GRIA3: variants seen among roughly 807,000 people sequenced by gnomAD.
GRIA3 encodes glutamate receptor 3.
Under a neutral mutation model 63.0 loss-of-function variants are expected in GRIA3, and 3 were observed. The ratio of observed to expected loss-of-function variants is 0.05; its 90% CI spans 0.02 to 0.12. The LOEUF is 0.12. Among genes scored for constraint, GRIA3 ranks in the 10% least tolerant of loss-of-function variants. The pLI, the probability that GRIA3 is intolerant of heterozygous loss-of-function variation, is 1.00. For missense variants in GRIA3, 347 were observed against 700.9 expected, an observed-to-expected ratio of 0.50 and a Z score of 5.70; for synonymous variants, 274 against 257.9, an observed-to-expected ratio of 1.06 and a Z score of -0.60.
In GRIA3 at chrX:123,333,120, G is replaced by A. The variant is rs7877978; in HGVS notation, c.696+6907G>A. Among the ~76,000 whole-genome samples the A allele has an allele frequency of 2.6e-3, 286 of 111,262 alleles. 1 individual carries two copies. Among genetic ancestry groups the A allele is most frequent in the African/African-American group, 8.7e-3 (268 of 30,674 alleles). Reference sequence around the variant, plus strand: ...ACCAGCCTATGTCTAGTGTGGGCTGGCTGAGAAGTCTTTCAGCATCTTCAA... The same window carrying A: ...ACCAGCCTATGTCTAGTGTGGGCTGACTGAGAAGTCTTTCAGCATCTTCAA... On this transcript the variant is annotated intron_variant, in intron 4 of 15. Coordinates refer to ENST00000620443, the MANE Select transcript of GRIA3 (RefSeq NM_007325.5).
At chrX:123,300,829 C>G (rs902299378) in intron 3 of GRIA3, among the ~76,000 whole-genome samples, 1 of 110,653 alleles carries the variant, frequency 9.0e-6, no homozygotes, top group Non-Finnish European at 1.9e-5. Context: ...CGCTCTAACA[C>G]TGCCTTAGCT....
At chrX:123,421,914 C>T (rs1427354299) in intron 11 of GRIA3, among the ~76,000 whole-genome samples, 1 of 112,129 alleles carries the variant, frequency 8.9e-6, no homozygotes, top group African/African-American at 3.2e-5. Flanking sequence ...CATGCTCTTT[C>T]CACTTCATGC....
chrX:123,397,370 T>C (rs1266523709), intron 6 of GRIA3, among the ~76,000 whole-genome samples: 2 of 112,084 alleles, frequency 1.8e-5, no homozygotes, highest in South Asian at 7.5e-4. Flanking sequence ...ATTTACTCTA[T>C]AAACATTTTC....
At chrX:123,460,045 C>T (rs2045784161) in intron 12 of GRIA3, among the ~76,000 whole-genome samples, 1 of 111,798 alleles carries the variant, frequency 8.9e-6, no homozygotes, top group Non-Finnish European at 1.9e-5. Context: ...TTAATGCATT[C>T]ATTAATATCT....
chrX:123,287,015 A>G (rs968463407), intron 3 of GRIA3, among the ~76,000 whole-genome samples: 5 of 112,112 alleles, frequency 4.5e-5, no homozygotes, highest in African/African-American at 1.6e-4. Context: ...AAAATCCTCA[A>G]TAAAATACTG....
chrX:123,251,584 C>T (rs771406708), intron 2 of GRIA3, among the ~76,000 whole-genome samples: 1 of 110,494 alleles, frequency 9.1e-6, no homozygotes, highest in Non-Finnish European at 1.9e-5. Context: ...TACAGGTGCC[C>T]GCCACCATGC....
intron 2 of GRIA3, among the ~76,000 whole-genome samples, chrX:123,236,893 T>C (rs189498782): frequency 8.4e-4 from 94 of 111,936 alleles, no homozygotes; most frequent in African/African-American, 3.0e-3. Context: ...TTCCTGGGCC[T>C]TCAAAAGCTT....
intron 2 of GRIA3, chrX:123,202,879 C>T: frequency 1.1e-6 from 1 of 879,795 alleles, no homozygotes; most frequent in Non-Finnish European, 1.6e-6. Flanking sequence ...TCTCCCCACT[C>T]TGGAAGCTTG....
chrX:123,248,268 C>T (rs2044370278), intron 2 of GRIA3, among the ~76,000 whole-genome samples: 1 of 112,263 alleles, frequency 8.9e-6, no homozygotes, highest in African/African-American at 3.2e-5. Flanking sequence ...TGTGGTCTAA[C>T]TTTAGAACCT....
Position 123,310,168 on chromosome X carries a change from C to T in GRIA3, c.509-15858C>T, listed in dbSNP as rs187612077. On this transcript the variant is annotated intron_variant, in intron 3 of 15. Transcript: ENST00000620443. ...TAGATTCATTTTATTCAAATAAATTCCTAGCCAGTATGGTTTCCCAGAAGT... is the reference window on the plus strand; with the variant it reads ...TAGATTCATTTTATTCAAATAAATTTCTAGCCAGTATGGTTTCCCAGAAGT... Among the ~76,000 whole-genome samples, 97 of 112,634 alleles carry T rather than the reference C, an allele frequency of 8.6e-4. 1 individual carries two copies. Among genetic ancestry groups the T allele is most frequent in the African/African-American group, 3.1e-3 (95 of 31,058 alleles).
intron 3 of GRIA3, among the ~76,000 whole-genome samples, chrX:123,295,518 T>A (rs1403777588): frequency 9.1e-6 from 1 of 110,163 alleles, no homozygotes; most frequent in Non-Finnish European, 1.9e-5. Context: ...CATGGAGGGG[T>A]TCTTTATGTT....
chrX:123,433,969 C>T (rs1229317029), intron 12 of GRIA3, among the ~76,000 whole-genome samples: 2 of 109,116 alleles, frequency 1.8e-5, no homozygotes, highest in African/African-American at 7.1e-5. Context: ...AAAGGAGTCC[C>T]TGCTAATAGC....
intron 4 of GRIA3, among the ~76,000 whole-genome samples, chrX:123,327,585 A>G (rs892090435): frequency 3.6e-5 from 4 of 111,026 alleles, no homozygotes; most frequent in African/African-American, 1.3e-4. Context: ...GCAAACAAAA[A>G]TAGGTGACAA....
At chrX:123,191,046 C>A (rs1211364172) in intron 2 of GRIA3, among the ~76,000 whole-genome samples, 1 of 111,862 alleles carries the variant, frequency 8.9e-6, no homozygotes, top group East Asian at 2.8e-4. Context: ...TAAGACAGGG[C>A]CAGAATTTTA....
chrX:123,232,280 G>A (rs2044280086), intron 2 of GRIA3, among the ~76,000 whole-genome samples: 1 of 111,496 alleles, frequency 9.0e-6, no homozygotes, highest in African/African-American at 3.3e-5. Flanking sequence ...CTCCACAAGG[G>A]GTTTGGAGTC....
intron 12 of GRIA3, among the ~76,000 whole-genome samples, chrX:123,431,027 T>TACACACACACACACACACACACAC (rs3050442): frequency 3.0e-5 from 3 of 99,465 alleles, no homozygotes; most frequent in African/African-American, 1.1e-4. Context: ...GTAACTCACA[T>TACACACACACACACACACACACAC]ACACACACAC....
At chrX:123,439,415 G>A (rs893570691) in intron 12 of GRIA3, among the ~76,000 whole-genome samples, 2 of 111,476 alleles carry the variant, frequency 1.8e-5, no homozygotes, top group Non-Finnish European at 3.8e-5. Context: ...CCTGAACGTG[G>A]TTAACTTCTA....
At chrX:123,342,473 AGCT>A (rs746040475) in intron 4 of GRIA3, among the ~76,000 whole-genome samples, 3 of 112,252 alleles carry the variant, frequency 2.7e-5, no homozygotes, top group Non-Finnish European at 3.8e-5. Context: ...CACTGTGACA[AGCT>A]GCCTATGATT....
Position 123,241,270 on chromosome X carries a change from G to A in GRIA3, c.269-12033G>A, listed in dbSNP as rs560871037. On this transcript the variant is annotated intron_variant, in intron 2 of 15. Transcript: ENST00000620443. ...AGATTAAAAATGATCCCTAGAGGCC[G>A]AGTCAAAACCATTAGGACGTTTTTA... Among the ~76,000 whole-genome samples, 24 of 111,219 alleles carry A rather than the reference G, an allele frequency of 2.2e-4. No homozygotes were observed. In the South Asian group the frequency reaches 6.8e-3, roughly 32 times the overall value.
Sources: allele counts gnomAD v4.1 joint callset (sites outside exome capture counted in the v4.1 genomes callset), GRCh38; gene constraint gnomAD v4.1.1; transcripts MANE v1.5; gene names NCBI Gene and HGNC (gene_info 2026-07-23, HGNC 2026-07-21).